Variants in VSNL1 observed in about 807,000 individuals in gnomAD.
VSNL1 encodes visinin like 1, also known as visinin-like protein 1.
In VSNL1, 6 loss-of-function variants were observed where a neutral mutation model predicts 20.4. That is an observed-to-expected ratio of 0.29 (90% CI 0.16 to 0.58). The LOEUF is 0.58. VSNL1 is among the 20% of genes least tolerant of loss of function. VSNL1 has a pLI of 0.90. For synonymous variants in VSNL1, 93 were observed against 86.4 expected (o/e 1.08, Z -0.42); for missense variants, 100 against 234.5 (o/e 0.43, Z 3.75).
At chr2:17,572,705 T>G (rs1664111816) in intron 1 of VSNL1, among the ~76,000 whole-genome samples, 1 of 152,214 alleles carries the variant, frequency 6.6e-6, no homozygotes, top group South Asian at 2.1e-4. Context: ...TGTCTCACCC[T>G]TTCCCTCAGG....
intron 2 of VSNL1, among the ~76,000 whole-genome samples, chr2:17,607,608 T>A (rs1191103179): frequency 6.6e-6 from 1 of 152,236 alleles, no homozygotes; most frequent in Non-Finnish European, 1.5e-5. Context: ...CAATCTCTGC[T>A]AGGCATGCCT....
intron 2 of VSNL1, among the ~76,000 whole-genome samples, chr2:17,613,634 C>T (rs1665143477): frequency 6.6e-6 from 1 of 152,190 alleles, no homozygotes; most frequent in South Asian, 2.1e-4. Flanking sequence ...GAGCCCTCTT[C>T]ACTCATCATT....
rs571939728 is a variant in VSNL1 at position 17,551,970 on chromosome 2, G to A, written c.-6+11052G>A. 5.1e-4 allele frequency among the ~76,000 whole-genome samples: 77 copies of A among 150,716 alleles called. 1 individual carries two copies. Among genetic ancestry groups the A allele is most frequent in the African/African-American group, 1.7e-3 (69 of 41,170 alleles). ...TCCCAGCACTTTGGGAGGCCGAGGC[G>A]GGTGGATCACGAGGTCAGGAGATCG... is the stretch of plus-strand genomic sequence containing the variant. On this transcript the variant is annotated intron_variant, in intron 1 of 3. Transcript: ENST00000295156.
Position 17,549,148 on chromosome 2 carries a change from C to G in VSNL1, c.-6+8230C>G, listed in dbSNP as rs532362703. On this transcript the variant is annotated intron_variant, in intron 1 of 3. Coordinates refer to ENST00000295156, the MANE Select transcript of VSNL1 (RefSeq NM_003385.5). The stretch of plus-strand genomic sequence containing the variant: ...ACTCTTATGCAGGATCTGGTGATAT[C>G]ACTTGCATATCTTTTGTTTATCACA... 3.9e-5 allele frequency among the ~76,000 whole-genome samples: 6 copies of G among 152,340 alleles called. No homozygotes were observed. In the East Asian group the frequency reaches 1.2e-3, roughly 29 times the overall value.
intron 2 of VSNL1, among the ~76,000 whole-genome samples, chr2:17,612,639 C>A (rs1374364820): frequency 6.6e-6 from 1 of 152,182 alleles, no homozygotes; most frequent in Non-Finnish European, 1.5e-5. Flanking sequence ...TGATGGGGCC[C>A]ATCCCTCCCT....
chr2:17,626,849 AATG>A (rs148580770), intron 2 of VSNL1, among the ~76,000 whole-genome samples: 3,649 of 152,244 alleles, frequency 0.024, 151 homozygotes, highest in African/African-American at 0.084. Context: ...GGGAATATTC[AATG>A]ATGAAGAACT....
At chr2:17,563,573 A>G (rs1439899819) in intron 1 of VSNL1, among the ~76,000 whole-genome samples, 2 of 152,094 alleles carry the variant, frequency 1.3e-5, no homozygotes, top group East Asian at 3.8e-4. Flanking sequence ...GAAAAAAAAA[A>G]TACAGTTTTA....
rs1666087783 is a variant in VSNL1, at chr2:17,649,890, C to A, written c.378+265C>A. On this transcript the variant is annotated intron_variant, in intron 3 of 3. Coordinates refer to ENST00000295156, the MANE Select transcript of VSNL1 (RefSeq NM_003385.5). The surrounding 1 kb of genome is among the most constrained non-coding windows in gnomAD (Gnocchi z 6.4). ...CTGGATCTCCCACGAACCTGTCTTA[C>A]TGTGCACACAGGATGTCATGGGCTG... is the stretch of plus-strand genomic sequence containing the variant. Among the ~76,000 whole-genome samples the A allele has an allele frequency of 6.6e-6, 1 of 152,224 alleles. No individual in the cohort carries two copies. Among genetic ancestry groups the A allele is most frequent in the African/African-American group, 2.4e-5 (1 of 41,460 alleles).
chr2:17,624,980 C>T (rs1309872392), intron 2 of VSNL1, among the ~76,000 whole-genome samples: 1 of 152,204 alleles, frequency 6.6e-6, no homozygotes. Context: ...TTGAATTATA[C>T]TCCCATAATT....
chr2:17,584,513 A>C (rs1664424402), intron 1 of VSNL1, among the ~76,000 whole-genome samples: 1 of 152,062 alleles, frequency 6.6e-6, no homozygotes, highest in African/African-American at 2.4e-5. Context: ...GCTTGAGACC[A>C]CCTAGTGAAA....
intron 1 of VSNL1, among the ~76,000 whole-genome samples, chr2:17,545,243 C>G (rs62130443): frequency 0.024 from 3,656 of 151,986 alleles, 44 homozygotes; most frequent in Middle Eastern, 0.054. Context: ...CTTTAAGTAT[C>G]TTTGTTAGTA....
chr2:17,557,839 G>A (rs1663722783), intron 1 of VSNL1, among the ~76,000 whole-genome samples: 1 of 152,166 alleles, frequency 6.6e-6, no homozygotes, highest in African/African-American at 2.4e-5. Flanking sequence ...TCCAGATAAA[G>A]AAATTTACAA....
intron 1 of VSNL1, among the ~76,000 whole-genome samples, chr2:17,556,441 G>A (rs1002200248): frequency 2.0e-5 from 3 of 152,170 alleles, no homozygotes; most frequent in Non-Finnish European, 4.4e-5. Context: ...AATTGTGGCT[G>A]TAGTGTCACA....
chr2:17,553,081 A>G (rs1663583108), intron 1 of VSNL1, among the ~76,000 whole-genome samples: 1 of 152,154 alleles, frequency 6.6e-6, no homozygotes, highest in South Asian at 2.1e-4. Flanking sequence ...AGAAAGAGAG[A>G]ACAAGAGGGA....
intron 1 of VSNL1, among the ~76,000 whole-genome samples, chr2:17,591,832 G>A (rs1053616879): frequency 1.3e-5 from 2 of 152,050 alleles, no homozygotes; most frequent in Non-Finnish European, 2.9e-5. Context: ...CCATATGAAA[G>A]ATGACACAAT....
At chr2:17,653,476 C>T (rs1474346270) in intron 3 of VSNL1, among the ~76,000 whole-genome samples, 2 of 152,206 alleles carry the variant, frequency 1.3e-5, no homozygotes, top group Non-Finnish European at 2.9e-5. Context: ...GTACACATTC[C>T]GTGCTTTTCC....
chr2:17,554,076 A>G (rs550720399), intron 1 of VSNL1, among the ~76,000 whole-genome samples: 9 of 152,222 alleles, frequency 5.9e-5, no homozygotes, highest in Non-Finnish European at 1.2e-4. Flanking sequence ...AACACACAGT[A>G]TTTATAAGGG....
intron 2 of VSNL1, among the ~76,000 whole-genome samples, chr2:17,622,429 C>T (rs1238291755): frequency 6.7e-6 from 1 of 149,112 alleles, no homozygotes; most frequent in African/African-American, 2.5e-5. Context: ...ACCCAGGAGG[C>T]GGAGGTCGCA....
At chr2:17,546,891 A>G (rs1455591209) in intron 1 of VSNL1, among the ~76,000 whole-genome samples, 2 of 152,060 alleles carry the variant, frequency 1.3e-5, no homozygotes, top group African/African-American at 4.8e-5. Flanking sequence ...AAAGTGCTTG[A>G]TGTTTTTTGC....
Sources: gnomAD v4.1 joint callset for allele counts (sites outside exome capture counted in the v4.1 genomes callset) on GRCh38, gnomAD v4.1.1 for gene constraint, Gnocchi (gnomAD v3.1) non-coding constraint, MANE v1.5 for transcripts, NCBI Gene and HGNC (gene_info 2026-07-23, HGNC 2026-07-21) for gene names.